Variants in KCNK12 observed in about 807,000 individuals in gnomAD.
KCNK12 encodes the protein potassium channel subfamily K member 12.
Under a neutral mutation model 25.3 loss-of-function variants are expected in KCNK12, and 6 were observed. The observed-to-expected ratio is 0.24, with a 90% CI of 0.13 to 0.47. The LOEUF (loss-of-function observed/expected upper bound fraction) is 0.47, where lower values mean the gene tolerates loss of function less well. Among genes scored for constraint, KCNK12 ranks in the 20% least tolerant of loss-of-function variants. The pLI is 0.99. For missense variants in KCNK12, 444 were observed against 661.7 expected (o/e 0.67, Z 3.61); for synonymous variants, 331 against 311.1 (o/e 1.06, Z -0.67).
In KCNK12 at chr2:47,570,076, C is replaced by T. The variant is rs1223286089; in HGVS notation, c.256G>A (p.Ala86Thr). The T allele has an allele frequency of 7.2e-7, 1 of 1,387,036 alleles. No individual in the cohort carries two copies. Among genetic ancestry groups the T allele is most frequent in the South Asian group, 1.6e-5 (1 of 61,680 alleles). The allele number at this position is 1,387,036 out of a possible 1,614,324, so 85.9% of individuals were successfully genotyped here. A position where few individuals can be genotyped will look rare whatever the true frequency, so the allele number is the denominator to read the frequency against. ...AGGAAGGCGCGCAGCTCTGGCTCGG[C>T]CACGCCGTGCGCAGCGCTGAAGTTG... ...LRNFSAAHGV[A>T]EPELRAFLRH... Residue 86 changes from alanine (A) to threonine (T), a missense_variant, in exon 1 of 2, where the codon GCC (alanine) becomes ACC (threonine). Coordinates refer to ENST00000327876, the MANE Select transcript of KCNK12 (RefSeq NM_022055.2).
At chr2:47,539,194 T>A (rs1669140573) in intron 1 of KCNK12, among the ~76,000 whole-genome samples, 1 of 152,222 alleles carries the variant, frequency 6.6e-6, no homozygotes, top group African/African-American at 2.4e-5. Context: ...GTAGCTTGCA[T>A]GACACCAATC....
chr2:47,516,248 G>C lies in KCNK12; in HGVS notation c.*4659C>G, dbSNP rs1490877140. On this transcript the variant is annotated 3_prime_UTR_variant, in exon 2 of 2. Coordinates refer to ENST00000327876, the MANE Select transcript of KCNK12 (RefSeq NM_022055.2). ...CCAAAAAATTCCAGGACTGGCCTGAGTTGCTCCTTAGACCAATGAAATCAG... is the reference window on the plus strand; with the variant it reads ...CCAAAAAATTCCAGGACTGGCCTGACTTGCTCCTTAGACCAATGAAATCAG... Among the ~76,000 whole-genome samples, 1 of 152,220 alleles carries C rather than the reference G, an allele frequency of 6.6e-6. No individual in the cohort carries two copies. Among genetic ancestry groups the C allele is most frequent in the East Asian group, 1.9e-4 (1 of 5,204 alleles).
chr2:47,539,065 A>G (rs979662167), intron 1 of KCNK12, among the ~76,000 whole-genome samples: 5 of 152,256 alleles, frequency 3.3e-5, no homozygotes, highest in African/African-American at 1.2e-4. Flanking sequence ...TAATAGCTGC[A>G]AGCAATGTGG....
rs1051826334 is a variant in KCNK12 at position 47,529,076 on chromosome 2, C to G, written c.392-7268G>C. On this transcript the variant is annotated intron_variant, in intron 1 of 1. Coordinates refer to ENST00000327876, the MANE Select transcript of KCNK12 (RefSeq NM_022055.2). The surrounding 1 kb of genome is among the most constrained non-coding windows in gnomAD (Gnocchi z 4.3). ...TCCACTTGCCAGACAGATGGGAAGT[C>G]TTGACTCATTACCCGCTGGAGACTT... 3 of 152,278 alleles carry G rather than the reference C, an allele frequency of 2.0e-5. No individual in the cohort carries two copies. Among genetic ancestry groups the G allele is most frequent in the African/African-American group, 7.2e-5 (3 of 41,448 alleles). 9.4% of individuals were successfully genotyped at this position (152,278 alleles called of 1,614,324 possible).
rs750300339 is a variant in KCNK12, at chr2:47,556,628, TG to T, written c.391+13312del. Reference sequence around the variant, plus strand: ...GGCAGATGAAGAATACGTGGGAAGTTGGTATTTTGATAGGGGTACAACATAG... The same window carrying T: ...GGCAGATGAAGAATACGTGGGAAGTTGTATTTTGATAGGGGTACAACATAG... On this transcript the variant is annotated intron_variant, in intron 1 of 1. Transcript: ENST00000327876. The surrounding 1 kb of genome is among the most constrained non-coding windows in gnomAD (Gnocchi z 4.8). Among the ~76,000 whole-genome samples the T allele has an allele frequency of 4.6e-5, 7 of 152,048 alleles. No individual in the cohort carries two copies. Among genetic ancestry groups the T allele is most frequent in the Non-Finnish European group, 7.4e-5 (5 of 68,018 alleles).
intron 1 of KCNK12, among the ~76,000 whole-genome samples, chr2:47,546,032 A>G (rs1372398194): frequency 6.6e-6 from 1 of 152,106 alleles, no homozygotes; most frequent in Non-Finnish European, 1.5e-5. Context: ...AGAGGCAACT[A>G]TGGACAGGGA....
chr2:47,562,023 C>T lies in KCNK12; in HGVS notation c.391+7918G>A. 2.5e-6 allele frequency: 1 copy of T among 398,604 alleles called. No homozygotes were observed. The highest frequency in any genetic ancestry group is 4.4e-6 in the Non-Finnish European group (1 of 226,084). 24.7% of individuals were successfully genotyped at this position (398,604 alleles called of 1,614,324 possible). A position where few individuals can be genotyped will look rare whatever the true frequency, so the allele number is the denominator to read the frequency against. ...ATATGTCCTGCCTAAAGCCACGCAGCCAGTTAGTGGCAGAGCCAGGTCTAG... is the reference window on the plus strand; with the variant it reads ...ATATGTCCTGCCTAAAGCCACGCAGTCAGTTAGTGGCAGAGCCAGGTCTAG... On this transcript the variant is annotated intron_variant, in intron 1 of 1. Transcript: ENST00000327876. This position sits in a 1 kb window ranked among gnomAD's most constrained non-coding sequence, Gnocchi z 4.8.
rs1046459108 is a variant in KCNK12, at chr2:47,540,619, G to A, written c.392-18811C>T. Among the ~76,000 whole-genome samples the A allele has an allele frequency of 3.9e-5, 6 of 152,130 alleles. No homozygotes were observed. The highest frequency in any genetic ancestry group is 1.4e-4 in the African/African-American group (6 of 41,406). The stretch of plus-strand genomic sequence containing the variant: ...AAACCAAAGAAAAGCCATCACTGCC[G>A]ATGTCTCTCTTTAAAGATCTGTTAG... On this transcript the variant is annotated intron_variant, in intron 1 of 1. Coordinates refer to ENST00000327876, the MANE Select transcript of KCNK12 (RefSeq NM_022055.2). The surrounding 1 kb of genome is among the most constrained non-coding windows in gnomAD (Gnocchi z 5.4).
intron 1 of KCNK12, among the ~76,000 whole-genome samples, chr2:47,546,981 G>T (rs759109153): frequency 6.6e-6 from 1 of 152,134 alleles, no homozygotes; most frequent in Non-Finnish European, 1.5e-5. Flanking sequence ...GTGTGGGAAA[G>T]GCCATATAGA....
chr2:47,546,621 C>A (rs1669320220), intron 1 of KCNK12, among the ~76,000 whole-genome samples: 1 of 152,200 alleles, frequency 6.6e-6, no homozygotes, highest in African/African-American at 2.4e-5. Context: ...CATGCCACTG[C>A]ACTCCAGCCT....
chr2:47,519,277 A>C lies in KCNK12; in HGVS notation c.*1630T>G, dbSNP rs1668592808. The C allele has an allele frequency of 6.6e-6, 1 of 152,258 alleles. No homozygotes were observed. Among genetic ancestry groups the C allele is most frequent in the Admixed American group, 6.5e-5 (1 of 15,284 alleles). 9.4% of individuals were successfully genotyped at this position (152,258 alleles called of 1,614,324 possible). A position where few individuals can be genotyped will look rare whatever the true frequency, so the allele number is the denominator to read the frequency against. ...GAGTTTGACATTCAAGTTTGACTCT[A>C]ATGCTGGGTGCGTGAGCGCATGCGT... On this transcript the variant is annotated 3_prime_UTR_variant, in exon 2 of 2. Transcript: ENST00000327876.
At position 47,548,328 on chromosome 2, in the gene KCNK12, C is replaced by A. The variant is rs1669356682; in HGVS notation, c.391+21613G>T. Among the ~76,000 whole-genome samples the A allele has an allele frequency of 6.6e-6, 1 of 152,164 alleles. No individual in the cohort carries two copies. The highest frequency in any genetic ancestry group is 1.5e-5 in the Non-Finnish European group (1 of 68,032). On this transcript the variant is annotated intron_variant, in intron 1 of 1. Coordinates refer to ENST00000327876, the MANE Select transcript of KCNK12 (RefSeq NM_022055.2). This position sits in a 1 kb window ranked among gnomAD's most constrained non-coding sequence, Gnocchi z 4.4. ...CCTGTCCCTTGAGTTCTAGACTGGC[C>A]TATCCACTATCTAACTGGCACCCGG...
chr2:47,570,082 C>T lies in KCNK12; in HGVS notation c.250G>A (p.Gly84Ser). 1.4e-6 allele frequency: 2 copies of T among 1,385,744 alleles called. No homozygotes were observed. The highest frequency in any genetic ancestry group is 1.9e-6 in the Non-Finnish European group (2 of 1,070,358). 85.8% of individuals were successfully genotyped at this position (1,385,744 alleles called of 1,614,324 possible). A position where few individuals can be genotyped will look rare whatever the true frequency, so the allele number is the denominator to read the frequency against. Residue 84 changes from glycine to serine, a missense_variant, in exon 1 of 2, where the codon GGC becomes AGC. Physicochemically the swap from Gly to Ser is moderately conservative, Grantham distance 56 (BLOSUM62 0). Transcript: ENST00000327876. ...GCGCGCAGCTCTGGCTCGGCCACGC[C>T]GTGCGCAGCGCTGAAGTTGCGCAGC... is the stretch of plus-strand genomic sequence containing the variant. ...ATLRNFSAAHGVAEPELRAFL... is the reference protein window; with the variant it reads ...ATLRNFSAAHSVAEPELRAFL...
At chr2:47,530,569 C>G (rs1282804439) in intron 1 of KCNK12, among the ~76,000 whole-genome samples, 1 of 152,178 alleles carries the variant, frequency 6.6e-6, no homozygotes, top group Non-Finnish European at 1.5e-5. Flanking sequence ...TTCCACGCAC[C>G]GTGCCAAGTG....
chr2:47,522,518 C>G (rs1668681448), intron 1 of KCNK12, among the ~76,000 whole-genome samples: 1 of 152,080 alleles, frequency 6.6e-6, no homozygotes, highest in African/African-American at 2.4e-5. Flanking sequence ...TCTTTGTCAC[C>G]CAGGCTGGAT....
In KCNK12 at chr2:47,562,419, A is replaced by G; in HGVS notation, c.391+7522T>C. On this transcript the variant is annotated intron_variant, in intron 1 of 1. Coordinates refer to ENST00000327876, the MANE Select transcript of KCNK12 (RefSeq NM_022055.2). This position sits in a 1 kb window ranked among gnomAD's most constrained non-coding sequence, Gnocchi z 4.8. ...AGAAACCCCAGGGCTCAATTTTTCTAAGGGCCCAGGCACACCAGTTACCAC... is the reference window on the plus strand; with the variant it reads ...AGAAACCCCAGGGCTCAATTTTTCTGAGGGCCCAGGCACACCAGTTACCAC... 1 of 298,062 alleles carries G rather than the reference A, an allele frequency of 3.4e-6. No individual in the cohort carries two copies. The highest frequency in any genetic ancestry group is 4.9e-5 in the East Asian group (1 of 20,392). 18.5% of individuals were successfully genotyped at this position (298,062 alleles called of 1,614,324 possible).
At position 47,570,029 on chromosome 2, in the gene KCNK12, C is replaced by T; in HGVS notation, c.303G>A (p.Leu101=). Reference sequence around the variant, plus strand: ...GCGCGTCGGCGCGGACGCCGGCGGCCAGCGCGGCCTCGTAGTGCCGGAGGA... The same window carrying T: ...GCGCGTCGGCGCGGACGCCGGCGGCTAGCGCGGCCTCGTAGTGCCGGAGGA... ...RAFLRHYEAA[L]AAGVRADALR... is the part of the protein sequence containing the mutation. Residue 101 remains leucine, a synonymous_variant, in exon 1 of 2, where the codon CTG becomes CTA. Coordinates refer to ENST00000327876, the MANE Select transcript of KCNK12 (RefSeq NM_022055.2). The T allele has an allele frequency of 7.0e-7, 1 of 1,423,202 alleles. No homozygotes were observed. 88.2% of individuals were successfully genotyped at this position (1,423,202 alleles called of 1,614,324 possible).
rs2104868424 is a variant in KCNK12, at chr2:47,556,690, AGG to A, written c.391+13249_391+13250del. Among the ~76,000 whole-genome samples the A allele has an allele frequency of 6.6e-6, 1 of 152,350 alleles. No homozygotes were observed. Among genetic ancestry groups the A allele is most frequent in the South Asian group, 2.1e-4 (1 of 4,828 alleles). On this transcript the variant is annotated intron_variant, in intron 1 of 1. Coordinates refer to ENST00000327876, the MANE Select transcript of KCNK12 (RefSeq NM_022055.2). This position sits in a 1 kb window ranked among gnomAD's most constrained non-coding sequence, Gnocchi z 4.8. Reference sequence around the variant, plus strand: ...GCAAGGAAGTTAAGGGTCTCTGAAAAGGGAATGAATCCAAGCTGAGTTAAAAA... The same window carrying A: ...GCAAGGAAGTTAAGGGTCTCTGAAAAGAATGAATCCAAGCTGAGTTAAAAA...
At chr2:47,537,328 T>C (rs1669094923) in intron 1 of KCNK12, among the ~76,000 whole-genome samples, 1 of 145,078 alleles carries the variant, frequency 6.9e-6, no homozygotes, top group African/African-American at 2.6e-5. Flanking sequence ...AAATGGGTGA[T>C]TTTCTTTCTT....
Sources: gnomAD v4.1 joint callset for allele counts (sites outside exome capture counted in the v4.1 genomes callset) on GRCh38, gnomAD v4.1.1 for gene constraint, Gnocchi (gnomAD v3.1) non-coding constraint, MANE v1.5 for transcripts, NCBI Gene and HGNC (gene_info 2026-07-23, HGNC 2026-07-21) for gene names.